The following CACNG4 variants were observed in gnomAD, a reference collection of about 807,000 sequenced individuals.
CACNG4 encodes calcium voltage-gated channel auxiliary subunit gamma 4.
In CACNG4, 8 loss-of-function variants were observed where a neutral mutation model predicts 22.9. The ratio of observed to expected loss-of-function variants is 0.35; its 90% CI spans 0.21 to 0.63. The LOEUF (loss-of-function observed/expected upper bound fraction) is 0.63, where lower values mean the gene tolerates loss of function less well. Ranked by LOEUF, CACNG4 falls within the 30% of genes least tolerant of loss-of-function variation. The pLI, the probability that CACNG4 is intolerant of heterozygous loss-of-function variation, is 0.72. For synonymous variants in CACNG4, 188 were observed against 191.9 expected (o/e 0.98, Z 0.17); for missense variants, 357 against 455.4 (o/e 0.78, Z 1.97).
intron 1 of CACNG4, among the ~76,000 whole-genome samples, chr17:67,004,125 G>T (rs2035423707): frequency 6.6e-6 from 1 of 152,084 alleles, no homozygotes; most frequent in Non-Finnish European, 1.5e-5. Flanking sequence ...CATTAAAAAA[G>T]AAAGAAAGAA....
chr17:67,020,822 A>C (rs562034402), intron 2 of CACNG4, among the ~76,000 whole-genome samples: 2 of 152,296 alleles, frequency 1.3e-5, no homozygotes, highest in African/African-American at 4.8e-5. Flanking sequence ...GGCTCCTCAA[A>C]ATATGTAGAA....
At chr17:67,024,666 C>G (rs1241153340) in intron 2 of CACNG4, among the ~76,000 whole-genome samples, 194 bp from the exon 3 acceptor site, 1 of 152,230 alleles carries the variant, frequency 6.6e-6, no homozygotes, top group Non-Finnish European at 1.5e-5. Context: ...CCGGAGCCCC[C>G]ACTTGCATCT....
Position 66,984,094 on chromosome 17 carries a change from A to G in CACNG4, c.220+18963A>G, listed in dbSNP as rs141000336. On this transcript the variant is annotated intron_variant, in intron 1 of 3. Coordinates refer to ENST00000262138, the MANE Select transcript of CACNG4 (RefSeq NM_014405.4). This position sits in a 1 kb window ranked among gnomAD's most constrained non-coding sequence, Gnocchi z 4.0. ...ATTATCTTCAGTAAAAATTAAAAAT[A>G]GTAGCCAGCTGCAATGGCTTGAACC... Among the ~76,000 whole-genome samples the G allele has an allele frequency of 1.3e-3, 200 of 152,344 alleles. No individual in the cohort carries two copies. The highest frequency in any genetic ancestry group is 4.5e-3 in the African/African-American group (188 of 41,568).
Position 67,030,968 on chromosome 17 carries a change from C to G in CACNG4, c.948C>G (p.His316Gln). 1.2e-6 allele frequency: 2 copies of G among 1,613,686 alleles called. No homozygotes were observed. Among genetic ancestry groups the G allele is most frequent in the Non-Finnish European group, 1.7e-6 (2 of 1,179,794 alleles). Residue 316 changes from histidine (H) to glutamine (Q), a missense_variant, in exon 4 of 4, where the codon CAC (histidine) becomes CAG (glutamine). By Grantham distance (24) the His-to-Gln change is conservative. Transcript: ENST00000262138. The surrounding 1 kb of genome is among the most constrained non-coding windows in gnomAD (Gnocchi z 6.4). ...FFQQDLKEGFHVSMLNRRTTP... is the reference protein window; with the variant it reads ...FFQQDLKEGFQVSMLNRRTTP... The stretch of plus-strand genomic sequence containing the variant: ...AGCAGGACCTGAAGGAAGGTTTCCA[C>G]GTCAGCATGCTGAACCGACGGACGA...
chr17:67,026,725 T>G (rs2035570004), intron 3 of CACNG4, among the ~76,000 whole-genome samples: 2 of 150,646 alleles, frequency 1.3e-5, no homozygotes, highest in South Asian at 4.2e-4. Context: ...GGAGTGTGTG[T>G]TGAGGACTGT....
At chr17:66,994,375 G>A (rs1002304353) in intron 1 of CACNG4, among the ~76,000 whole-genome samples, 2 of 151,854 alleles carry the variant, frequency 1.3e-5, no homozygotes, top group Non-Finnish European at 2.9e-5. Flanking sequence ...AGACACGCAT[G>A]GAAAAGGTGC....
intron 1 of CACNG4, among the ~76,000 whole-genome samples, chr17:66,977,862 C>T (rs1015871109): frequency 6.6e-6 from 1 of 152,204 alleles, no homozygotes; most frequent in Non-Finnish European, 1.5e-5. Context: ...GGTATTTACT[C>T]TCTGGTTCTG....
At chr17:67,011,999 G>T (rs368377374) in intron 1 of CACNG4, among the ~76,000 whole-genome samples, 1 of 152,110 alleles carries the variant, frequency 6.6e-6, no homozygotes, top group Non-Finnish European at 1.5e-5. Context: ...GCACCTGGTG[G>T]CTATCTGGTT....
intron 1 of CACNG4, among the ~76,000 whole-genome samples, chr17:67,016,347 C>T (rs1267747247): frequency 1.3e-5 from 2 of 152,188 alleles, no homozygotes; most frequent in Non-Finnish European, 2.9e-5. Flanking sequence ...TGCCCCCCAC[C>T]GCTGGCCCCC....
chr17:67,019,337 TC>T (rs956638757), intron 2 of CACNG4, among the ~76,000 whole-genome samples: 2 of 152,072 alleles, frequency 1.3e-5, no homozygotes, highest in Non-Finnish European at 2.9e-5. Context: ...CCGCTCTGCC[TC>T]CCATCCTTCC....
At chr17:67,013,359 G>A (rs1047784396) in intron 1 of CACNG4, among the ~76,000 whole-genome samples, 2 of 152,068 alleles carry the variant, frequency 1.3e-5, no homozygotes, top group Non-Finnish European at 1.5e-5. Context: ...AGTTTTATTG[G>A]TTCATTTTCA....
chr17:67,009,172 C>A (rs1009396364), intron 1 of CACNG4, among the ~76,000 whole-genome samples: 4 of 152,134 alleles, frequency 2.6e-5, no homozygotes, highest in Non-Finnish European at 5.9e-5. Flanking sequence ...CCTCACAGCC[C>A]TCAGGAGGAA....
intron 1 of CACNG4, among the ~76,000 whole-genome samples, chr17:66,968,689 C>G (rs866345957): frequency 6.8e-5 from 3 of 44,420 alleles, no homozygotes; most frequent in African/African-American, 3.0e-4. Flanking sequence ...CTCCTCCTCT[C>G]CCTCCTCTCC....
rs182960663 is a variant in CACNG4 at position 66,966,961 on chromosome 17, T to A, written c.220+1830T>A. ...ACAGAGCAGGGGCTGCAATGCCCCA[T>A]ATTCCACCTCACAAGCAAGTTCCAT... On this transcript the variant is annotated intron_variant, in intron 1 of 3. Transcript: ENST00000262138. Among the ~76,000 whole-genome samples the A allele has an allele frequency of 2.0e-5, 3 of 152,310 alleles. No homozygotes were observed. In the South Asian group the frequency reaches 6.2e-4, roughly 32 times the overall value.
chr17:66,995,805 G>T (rs924384545), intron 1 of CACNG4, among the ~76,000 whole-genome samples: 2 of 152,000 alleles, frequency 1.3e-5, no homozygotes, highest in African/African-American at 4.8e-5. Context: ...AGCCAAGATC[G>T]TGCCACTGCA....
intron 1 of CACNG4, among the ~76,000 whole-genome samples, chr17:66,966,730 G>C (rs921662541): frequency 1.3e-5 from 2 of 152,212 alleles, no homozygotes; most frequent in African/African-American, 4.8e-5. Context: ...GCAGGGCTGA[G>C]TGGAGTCTGC....
At chr17:67,004,414 C>T (rs2035425510) in intron 1 of CACNG4, among the ~76,000 whole-genome samples, 1 of 152,108 alleles carries the variant, frequency 6.6e-6, no homozygotes, top group Admixed American at 6.5e-5. Flanking sequence ...ACTCGCTGAG[C>T]CAGATGAGAC....
chr17:66,986,768 C>A (rs891613605), intron 1 of CACNG4, among the ~76,000 whole-genome samples: 5 of 152,212 alleles, frequency 3.3e-5, no homozygotes, highest in Admixed American at 2.0e-4. Context: ...TCCGCCTTCT[C>A]TTCACATGGC....
At chr17:66,991,970 G>A (rs1391345501) in intron 1 of CACNG4, among the ~76,000 whole-genome samples, 1 of 152,122 alleles carries the variant, frequency 6.6e-6, no homozygotes, top group East Asian at 1.9e-4. Context: ...CGAGCTGCCT[G>A]CCCACCCAAC....
Sources: gnomAD v4.1 joint callset for allele counts (sites outside exome capture counted in the v4.1 genomes callset) on GRCh38, gnomAD v4.1.1 for gene constraint, Gnocchi (gnomAD v3.1) non-coding constraint, MANE v1.5 for transcripts, NCBI Gene and HGNC (gene_info 2026-07-23, HGNC 2026-07-21) for gene names.